The following NGB variants were observed in gnomAD, a reference collection of about 807,000 sequenced individuals.
NGB encodes the protein nitrite reductase.
A neutral mutation model predicts 17.3 loss-of-function variants in NGB; 12 were observed. That is an observed-to-expected ratio of 0.69 (90% CI 0.45 to 1.13). The LOEUF is 1.13. Among genes scored for constraint, NGB ranks in the 50% most tolerant of loss-of-function variants. NGB has a pLI of 0.00. For missense variants in NGB, 195 were observed against 191.7 expected, an observed-to-expected ratio of 1.02 and a Z score of -0.10; for synonymous variants, 87 against 81.0, an observed-to-expected ratio of 1.07 and a Z score of -0.40.
intron 1 of NGB, among the ~76,000 whole-genome samples, chr14:77,269,679 T>C (rs1889729537): frequency 1.0e-3 from 1 of 990 alleles, no homozygotes; most frequent in Non-Finnish European, 2.9e-3. Flanking sequence ...TCTCTCTCTC[T>C]CTCTCTCTCT....
intron 3 of NGB, 33 bp from the exon 4 acceptor site, chr14:77,266,703 A>G: frequency 3.1e-6 from 5 of 1,607,754 alleles, no homozygotes; most frequent in Non-Finnish European, 4.2e-6. Flanking sequence ...GTCACTTCCA[A>G]AGGCAGAAAG....
rs116897063 is a variant in NGB, at chr14:77,266,299, G to A, written c.*237C>T. On this transcript the variant is annotated 3_prime_UTR_variant, in exon 4 of 4. Coordinates refer to ENST00000298352, the MANE Select transcript of NGB (RefSeq NM_021257.4). ...AGTGCCAAAAAAGGTAAAAAGAAAC[G>A]CAAGAAAGAGGCTACTGGGGATGAG... is the stretch of plus-strand genomic sequence containing the variant. 378 of 757,804 alleles carry A rather than the reference G, an allele frequency of 5.0e-4. 4 individuals carry two copies. In the East Asian group the frequency reaches 8.3e-3, roughly 17 times the overall value. 46.9% of individuals were successfully genotyped at this position (757,804 alleles called of 1,614,324 possible). A position where few individuals can be genotyped will look rare whatever the true frequency, so the allele number is the denominator to read the frequency against.
At chr14:77,268,357 A>G (rs913119818) in intron 3 of NGB, 109 bp downstream of exon 3, 1 of 1,219,080 alleles carries the variant, frequency 8.2e-7, no homozygotes, top group Non-Finnish European at 1.1e-6. Context: ...AGCCCTGGTT[A>G]TCTAAGGATA....
intron 1 of NGB, among the ~76,000 whole-genome samples, chr14:77,269,692 CT>C (rs1889731104): frequency 2.4e-3 from 3 of 1,242 alleles, no homozygotes; most frequent in East Asian, 0.015. Flanking sequence ...CTCTCTCTCT[CT>C]CTCTCTCTCT....
intron 1 of NGB, among the ~76,000 whole-genome samples, 159 bp from the exon 2 acceptor site, chr14:77,269,485 CG>C (rs1275169602): frequency 6.6e-6 from 1 of 152,122 alleles, no homozygotes; most frequent in Non-Finnish European, 1.5e-5. Flanking sequence ...CCGCCAGCTT[CG>C]GTAGTGCCCT....
In NGB at chr14:77,269,717, T is replaced by TCCCCCCGCCCCCCC. The variant is rs1889733357; in HGVS notation, c.90-392_90-391insGGGGGGGCGGGGGG. On this transcript the variant is annotated intron_variant, in intron 1 of 3. Transcript: ENST00000298352. The stretch of plus-strand genomic sequence containing the variant: ...CTCTCTCTCTCTCTCTCTCTCTCTC[T>TCCCCCCGCCCCCCC]CTCTCTCTCTTCTCTCTCTCTCTCT... Among the ~76,000 whole-genome samples, 2 of 2,328 alleles carry TCCCCCCGCCCCCCC rather than the reference T, an allele frequency of 8.6e-4. 1 individual carries two copies. Among genetic ancestry groups the TCCCCCCGCCCCCCC allele is most frequent in the African/African-American group, 2.9e-3 (2 of 682 alleles). 1.5% of individuals were successfully genotyped at this position (2,328 alleles called of 152,430 possible). A position where few individuals can be genotyped will look rare whatever the true frequency, so the allele number is the denominator to read the frequency against.
chr14:77,269,455 T>A, intron 1 of NGB, 129 bp from the exon 2 acceptor site: 1 of 614,850 alleles, frequency 1.6e-6, no homozygotes, highest in Non-Finnish European at 3.0e-6. Context: ...CAGCTGACTC[T>A]CCCACCTGGC....
At chr14:77,269,597 G>A (rs1303700633) in intron 1 of NGB, among the ~76,000 whole-genome samples, 1 of 152,020 alleles carries the variant, frequency 6.6e-6, no homozygotes, top group Non-Finnish European at 1.5e-5. Flanking sequence ...TAGCTGAGGG[G>A]TGTGATTTGG....
At chr14:77,269,463 G>A (rs769702541) in intron 1 of NGB, 137 bp from the exon 2 acceptor site, 13 of 602,730 alleles carry the variant, frequency 2.2e-5, no homozygotes, top group Non-Finnish European at 4.0e-5. Flanking sequence ...TCTCCCACCT[G>A]GCACTGCTCC....
chr14:77,269,405 A>T, intron 1 of NGB, 79 bp from the exon 2 acceptor site: 1 of 992,372 alleles, frequency 1.0e-6, no homozygotes, highest in Non-Finnish European at 1.5e-6. Flanking sequence ...TCCTGCAGTC[A>T]GCGGGCGGGG....
Position 77,266,430 on chromosome 14 carries a change from G to T in NGB, c.*106C>A. ...CCCATCACCTCTCCAGTGTGGCCAAGGGGACAAGGACCAAGATGCAGGGAA... is the reference window on the plus strand; with the variant it reads ...CCCATCACCTCTCCAGTGTGGCCAATGGGACAAGGACCAAGATGCAGGGAA... On this transcript the variant is annotated 3_prime_UTR_variant, in exon 4 of 4. Transcript: ENST00000298352. 6.7e-7 allele frequency: 1 copy of T among 1,485,218 alleles called. No homozygotes were observed. The highest frequency in any genetic ancestry group is 1.4e-5 in the African/African-American group (1 of 72,344). 92.0% of individuals were successfully genotyped at this position (1,485,218 alleles called of 1,614,324 possible).
intron 3 of NGB, 28 bp from the exon 4 acceptor site, chr14:77,266,698 T>C: frequency 1.9e-6 from 3 of 1,610,026 alleles, no homozygotes; most frequent in Non-Finnish European, 2.5e-6. Flanking sequence ...ACCTTGTCAC[T>C]TCCAAAGGCA....
chr14:77,265,973 GT>G lies in NGB; in HGVS notation c.*562del, dbSNP rs144508189. 625 of 280,390 alleles carry G rather than the reference GT, an allele frequency of 2.2e-3. 5 individuals carry two copies. Among genetic ancestry groups the G allele is most frequent in the African/African-American group, 0.013 (582 of 46,112 alleles). The allele number at this position is 280,390 out of a possible 1,614,324, so 17.4% of individuals were successfully genotyped here. On this transcript the variant is annotated 3_prime_UTR_variant, in exon 4 of 4. Coordinates refer to ENST00000298352, the MANE Select transcript of NGB (RefSeq NM_021257.4). This position sits in a 1 kb window ranked among gnomAD's most constrained non-coding sequence, Gnocchi z 4.7. ...TCAAATGAGACCCATTGAGACCCAG[GT>G]CCCCCTTCCCTTCCCTGGCAGTTCT... is the stretch of plus-strand genomic sequence containing the variant.
chr14:77,268,196 T>G (rs28988620), intron 3 of NGB, among the ~76,000 whole-genome samples: 1 of 152,156 alleles, frequency 6.6e-6, no homozygotes, highest in Non-Finnish European at 1.5e-5. Context: ...GTTTGATACA[T>G]AGCAATAGAA....
intron 3 of NGB, among the ~76,000 whole-genome samples, chr14:77,267,245 C>T (rs1431711881): frequency 2.6e-5 from 4 of 152,156 alleles, no homozygotes; most frequent in African/African-American, 9.7e-5. Context: ...TACAGGAAAC[C>T]TACAATGATA....
rs575467423 is a variant in NGB at position 77,269,243 on chromosome 14, G to A, written c.173C>T (p.Ser58Leu). ...CCTGATGTGGTCCAGGAACTCAGGC[G>A]AGGAGAGACAGTCCTCTGGGCTGGA... is the stretch of plus-strand genomic sequence containing the variant. ...QFSSPEDCLSSPEFLDHIRKV... is the reference protein window; with the variant it reads ...QFSSPEDCLSLPEFLDHIRKV... The change falls in exon 2 of 4, where the codon TCG (serine) becomes TTG (leucine). Residue 58 changes from serine (S) to leucine (L), a missense_variant. Ser to Leu is a moderately radical substitution (Grantham distance 145). Coordinates refer to ENST00000298352, the MANE Select transcript of NGB (RefSeq NM_021257.4). 112 of 1,551,348 alleles carry A rather than the reference G, an allele frequency of 7.2e-5. 1 individual carries two copies. The highest frequency in any genetic ancestry group is 1.8e-4 in the South Asian group (15 of 84,052).
chr14:77,268,366 T>C (rs1278219564), intron 3 of NGB, 100 bp downstream of exon 3: 5 of 1,303,202 alleles, frequency 3.8e-6, no homozygotes, highest in Non-Finnish European at 5.3e-6. Flanking sequence ...TATCTAAGGA[T>C]ATGGGAATGG....
At position 77,265,973 on chromosome 14, in the gene NGB, G is replaced by A. The variant is rs938553500; in HGVS notation, c.*563C>T. 8.9e-5 allele frequency: 25 copies of A among 280,274 alleles called. No individual in the cohort carries two copies. Among genetic ancestry groups the A allele is most frequent in the Non-Finnish European group, 1.2e-4 (17 of 136,062 alleles). 17.4% of individuals were successfully genotyped at this position (280,274 alleles called of 1,614,324 possible). On this transcript the variant is annotated 3_prime_UTR_variant, in exon 4 of 4. Coordinates refer to ENST00000298352, the MANE Select transcript of NGB (RefSeq NM_021257.4). This position sits in a 1 kb window ranked among gnomAD's most constrained non-coding sequence, Gnocchi z 4.7. ...TCAAATGAGACCCATTGAGACCCAG[G>A]TCCCCCTTCCCTTCCCTGGCAGTTC...
chr14:77,270,711 T>TTCC, intron 1 of NGB, 138 bp downstream of exon 1: 1 of 757,328 alleles, frequency 1.3e-6, no homozygotes, highest in Non-Finnish European at 2.1e-6. Context: ...GCCCCGCTCC[T>TTCC]CTGGCGCACA....
Sources: allele counts gnomAD v4.1 joint callset (sites outside exome capture counted in the v4.1 genomes callset), GRCh38; gene constraint gnomAD v4.1.1; non-coding constraint Gnocchi (gnomAD v3.1); transcripts MANE v1.5; gene names NCBI Gene and HGNC (gene_info 2026-07-23, HGNC 2026-07-21).